RIF1: variants seen among roughly 807,000 people sequenced by gnomAD.
The protein encoded by RIF1 is telomere-associated protein RIF1.
RIF1 carries 45 observed loss-of-function variants against 247.1 expected under a neutral mutation model. The observed-to-expected ratio is 0.18, with a 90% CI of 0.14 to 0.23. The LOEUF (loss-of-function observed/expected upper bound fraction) is 0.23, where lower values mean the gene tolerates loss of function less well. Among genes scored for constraint, RIF1 ranks in the 10% least tolerant of loss-of-function variants. The probability of loss-of-function intolerance (pLI) is 1.00; values close to 1 mark genes in which losing one functional copy is unlikely to be tolerated. For missense variants in RIF1, 2,967 were observed against 2,862.5 expected (o/e 1.04, Z -0.83); for synonymous variants, 1,087 against 978.8 (o/e 1.11, Z -2.06).
chr2:151,500,653 G>A (rs1297375978), intron 11 of RIF1, among the ~76,000 whole-genome samples: 2 of 138,476 alleles, frequency 1.4e-5, no homozygotes, highest in Non-Finnish European at 3.0e-5. Flanking sequence ...CTGGAGTACA[G>A]TGGCACAATC....
intron 9 of RIF1, chr2:151,492,136 T>C: frequency 6.2e-7 from 1 of 1,613,970 alleles, no homozygotes; most frequent in South Asian, 1.1e-5. Flanking sequence ...CCGTTTTTGT[T>C]CCATTTCTAC....
At chr2:151,452,212 T>C (rs1395797107) in intron 21 of RIF1, among the ~76,000 whole-genome samples, 11 of 152,216 alleles carry the variant, frequency 7.2e-5, no homozygotes, top group Admixed American at 7.2e-4. Context: ...ATTAAATGAT[T>C]AAAATTGGAC....
At position 151,462,937 on chromosome 2, in the gene RIF1, T is replaced by C; in HGVS notation, c.3417T>C (p.Cys1139=). ...IVIPQDVTED[C]GMAEHLEKSS... The stretch of plus-strand genomic sequence containing the variant: ...TTCCTCAAGATGTCACGGAAGACTG[T>C]GGTATGGCTGAACATCTTGAAAAGT... The change falls in exon 30 of 36, where the codon TGT becomes TGC. Residue 1139 remains cysteine, a synonymous_variant. Transcript: ENST00000444746. 1 of 1,613,436 alleles carries C rather than the reference T, an allele frequency of 6.2e-7. No homozygotes were observed. Among genetic ancestry groups the C allele is most frequent in the Non-Finnish European group, 8.5e-7 (1 of 1,179,786 alleles).
intron 8 of RIF1, 30 bp downstream of exon 8, chr2:151,423,072 G>GTT (rs775708733): frequency 2.1e-5 from 24 of 1,141,846 alleles, no homozygotes; most frequent in Non-Finnish European, 2.6e-5. Context: ...ACAGTCAACA[G>GTT]TTTTTACATG....
At chr2:151,419,710 AT>A (rs1468488224) in intron 6 of RIF1, among the ~76,000 whole-genome samples, 1 of 152,118 alleles carries the variant, frequency 6.6e-6, no homozygotes. Context: ...AGCGCAGTAG[AT>A]TTGTTTACAC....
intron 9 of RIF1, among the ~76,000 whole-genome samples, chr2:151,489,636 ATCC>A (rs1236072062): frequency 1.3e-5 from 2 of 152,164 alleles, no homozygotes; most frequent in African/African-American, 4.8e-5. Context: ...AGCTCAAGCA[ATCC>A]TCCTGCATCA....
the RIF1 span, among the ~76,000 whole-genome samples, chr2:151,530,092 G>A: frequency 1.3e-5 from 2 of 152,010 alleles, no homozygotes; most frequent in African/African-American, 4.8e-5. Context: ...ACCCCTTAAG[G>A]GCAAAAACTG....
intron 18 of RIF1, among the ~76,000 whole-genome samples, chr2:151,444,772 TGGAGTTG>T (rs1244137072): frequency 6.6e-6 from 1 of 152,200 alleles, no homozygotes; most frequent in African/African-American, 2.4e-5. Context: ...TAGAAGACTT[TGGAGTTG>T]GCCCTGGGAT....
At chr2:151,509,059 C>T (rs2071739711), downstream of RIF1, among the ~76,000 whole-genome samples, 1 of 152,184 alleles carries the variant, frequency 6.6e-6, no homozygotes, top group Non-Finnish European at 1.5e-5. Flanking sequence ...AGACTAGCCA[C>T]TGTTATAATG....
the RIF1 span, among the ~76,000 whole-genome samples, chr2:151,517,802 C>T: frequency 6.6e-6 from 1 of 152,204 alleles, no homozygotes; most frequent in Non-Finnish European, 1.5e-5. Context: ...TAAAATGGTA[C>T]ACCTGCATAG....
chr2:151,438,594 TTAATG>T (rs879536193), intron 13 of RIF1, 85 bp from the exon 14 acceptor site: 93 of 806,736 alleles, frequency 1.2e-4, no homozygotes, highest in Middle Eastern at 2.3e-4. Flanking sequence ...ATTTATTTGT[TTAATG>T]TAAGGAAGTA....
chr2:151,443,645 A>C lies in RIF1; in HGVS notation c.1922A>C (p.Asn641Thr), dbSNP rs1393995287. ...AATCAAAATGCAAAGCAGTTGGAAA[A>C]TAAGGAGCATCTCTGGAAAATGTGG... ...VINQNAKQLE[N>T]KEHLWKMWSV... Residue 641 changes from asparagine (N) to threonine (T), a missense_variant, in exon 18 of 36, where the codon AAT becomes ACT. By Grantham distance (65) the Asn-to-Thr change is moderately conservative (BLOSUM62 0). Around this residue, in one of 7 missense-constraint regions of RIF1, gnomAD observed 369 missense variants for 322.0 expected, o/e 1.15. Coordinates refer to ENST00000444746, the MANE Select transcript of RIF1 (RefSeq NM_018151.5). 6.2e-7 allele frequency: 1 copy of C among 1,612,056 alleles called. No individual in the cohort carries two copies.
rs2048969698 is a variant in RIF1, at chr2:151,477,170, T to C, written c.*2099T>C. 6.6e-6 allele frequency: 1 copy of C among 152,250 alleles called. No individual in the cohort carries two copies. Among genetic ancestry groups the C allele is most frequent in the Non-Finnish European group, 1.5e-5 (1 of 68,054 alleles). 9.4% of individuals were successfully genotyped at this position (152,250 alleles called of 1,614,324 possible). A position where few individuals can be genotyped will look rare whatever the true frequency, so the allele number is the denominator to read the frequency against. The stretch of plus-strand genomic sequence containing the variant: ...TAAGCATATATTTTTGGCAACTTAT[T>C]TGCAATATTCTTGCCTTAAAGTTTC... On this transcript the variant is annotated 3_prime_UTR_variant, in exon 36 of 36. Coordinates refer to ENST00000444746, the MANE Select transcript of RIF1 (RefSeq NM_018151.5).
chr2:151,418,450 C>T (rs952073584), intron 6 of RIF1, among the ~76,000 whole-genome samples: 1 of 151,524 alleles, frequency 6.6e-6, no homozygotes, highest in South Asian at 2.1e-4. Context: ...GGTGGTGCAC[C>T]CACCTCAGCC....
intron 3 of RIF1, 147 bp downstream of exon 3, chr2:151,411,485 C>G: frequency 1.8e-6 from 1 of 560,492 alleles, no homozygotes; most frequent in Non-Finnish European, 3.2e-6. Flanking sequence ...TCACTGAAAC[C>G]TCCGCCTCTC....
chr2:151,493,627 G>A (rs2152857535), intron 9 of RIF1: 3 of 745,194 alleles, frequency 4.0e-6, no homozygotes, highest in Non-Finnish European at 6.3e-6. Flanking sequence ...GTGACCTCGT[G>A]GGGTTGGTTT....
intron 35 of RIF1, among the ~76,000 whole-genome samples, 182 bp downstream of exon 35, chr2:151,474,254 A>G (rs992766516): frequency 3.9e-5 from 6 of 152,198 alleles, no homozygotes; most frequent in Admixed American, 3.3e-4. Context: ...TTTCTTGTCA[A>G]CTTCTCCATC....
At chr2:151,428,704 G>A (rs896366222) in intron 8 of RIF1, 80 bp from the exon 9 acceptor site, 12 of 1,107,004 alleles carry the variant, frequency 1.1e-5, no homozygotes, top group Non-Finnish European at 1.6e-5. Context: ...CATCTGTTAA[G>A]TGAATGAATA....
intron 34 of RIF1, among the ~76,000 whole-genome samples, chr2:151,471,869 A>G (rs1186700793): frequency 6.6e-6 from 1 of 152,124 alleles, no homozygotes; most frequent in Non-Finnish European, 1.5e-5. Flanking sequence ...TTTTCGTTGC[A>G]TATGAACTTT....
Sources: allele counts gnomAD v4.1 joint callset (sites outside exome capture counted in the v4.1 genomes callset), GRCh38; gene constraint gnomAD v4.1.1; regional missense constraint gnomAD v4.1.1; transcripts MANE v1.5; gene names NCBI Gene and HGNC (gene_info 2026-07-23, HGNC 2026-07-21).